MEGF11: variants seen among roughly 807,000 people sequenced by gnomAD.
The protein encoded by MEGF11 is multiple epidermal growth factor-like domains protein 11.
MEGF11 carries 126 observed loss-of-function variants against 146.6 expected under a neutral mutation model. The observed-to-expected ratio is 0.86, with a 90% CI of 0.74 to 1.00. The LOEUF is 1.00. MEGF11 is among the 50% of genes least tolerant of loss of function. MEGF11 has a pLI of 0.00. For missense variants in MEGF11, 1,509 were observed against 1,521.2 expected, an observed-to-expected ratio of 0.99 and a Z score of 0.13; for synonymous variants, 532 against 583.4, an observed-to-expected ratio of 0.91 and a Z score of 1.27.
At chr15:65,904,926 T>C (rs113178802) in intron 24 of MEGF11, among the ~76,000 whole-genome samples, 9,389 of 152,308 alleles carry the variant, frequency 0.062, 422 homozygotes, top group Non-Finnish European at 0.092. Context: ...AGAGTCTTGT[T>C]CTGTTGCCCA....
At chr15:66,202,134 C>T (rs1369010052) in intron 1 of MEGF11, among the ~76,000 whole-genome samples, 1 of 140,326 alleles carries the variant, frequency 7.1e-6, no homozygotes, top group Non-Finnish European at 1.6e-5. Context: ...CATGCACACA[C>T]ACACACAAGT....
At chr15:66,165,509 G>T (rs999979545) in intron 1 of MEGF11, among the ~76,000 whole-genome samples, 1 of 152,082 alleles carries the variant, frequency 6.6e-6, no homozygotes, top group South Asian at 2.1e-4. Flanking sequence ...AAACTCTCTC[G>T]GTCCTTCTCT....
chr15:65,922,855 G>T lies in MEGF11; in HGVS notation c.1790C>A (p.Ala597Asp). The T allele has an allele frequency of 6.2e-7, 1 of 1,613,734 alleles. No individual in the cohort carries two copies. Among genetic ancestry groups the T allele is most frequent in the South Asian group, 1.1e-5 (1 of 91,046 alleles). ...GCATAAGGGTCCTCGGAAGCCAGGG[G>T]CACACTCGCAGCTCCCATCCTCTGG... ...CSPEDGSCEC[A>D]PGFRGPLCQR... The change falls in exon 14 of 26, where the codon GCC becomes GAC. Residue 597 changes from alanine to aspartate, a missense_variant. Physicochemically the swap from Ala to Asp is moderately radical, Grantham distance 126. Coordinates refer to ENST00000395614, the MANE Select transcript of MEGF11 (RefSeq NM_001385028.1).
intron 1 of MEGF11, among the ~76,000 whole-genome samples, chr15:66,147,719 G>C (rs2089425576): frequency 6.6e-6 from 1 of 152,240 alleles, no homozygotes; most frequent in Admixed American, 6.5e-5. Flanking sequence ...GAAGCAGGTG[G>C]TGCCTTCTGA....
chr15:65,976,719 T>C (rs1258931022), intron 7 of MEGF11, among the ~76,000 whole-genome samples: 1 of 152,226 alleles, frequency 6.6e-6, no homozygotes, highest in Non-Finnish European at 1.5e-5. Context: ...CAGTTAAGTG[T>C]GTATCTCCAA....
At chr15:66,113,988 C>T (rs746984642) in intron 4 of MEGF11, among the ~76,000 whole-genome samples, 1 of 152,150 alleles carries the variant, frequency 6.6e-6, no homozygotes, top group Non-Finnish European at 1.5e-5. Flanking sequence ...TGGGCCCCAC[C>T]TCAAATCTTC....
chr15:66,159,497 T>C (rs1419304690), intron 1 of MEGF11, among the ~76,000 whole-genome samples: 1 of 152,244 alleles, frequency 6.6e-6, no homozygotes, highest in Admixed American at 6.5e-5. Context: ...TTGAGGCTTT[T>C]CAGCACCCTG....
chr15:66,178,844 A>G (rs1237254073), intron 1 of MEGF11, among the ~76,000 whole-genome samples: 2 of 152,218 alleles, frequency 1.3e-5, no homozygotes, highest in African/African-American at 2.4e-5. Flanking sequence ...TGATTCGGAA[A>G]AAAGGTCATT....
chr15:66,109,407 C>T (rs368364092), intron 4 of MEGF11, among the ~76,000 whole-genome samples: 5 of 152,164 alleles, frequency 3.3e-5, no homozygotes, highest in Admixed American at 2.0e-4. Flanking sequence ...CTCTGCCAGA[C>T]GAGGCCCTCC....
intron 1 of MEGF11, among the ~76,000 whole-genome samples, chr15:66,182,413 T>C (rs963694644): frequency 1.0e-5 from 1 of 100,442 alleles, no homozygotes; most frequent in African/African-American, 2.9e-5. Context: ...AGAATAGAAC[T>C]GTCAAGCCAA....
intron 3 of MEGF11, 149 bp from the exon 4 acceptor site, chr15:66,119,335 A>T (rs867222573): frequency 1.6e-6 from 1 of 635,444 alleles, no homozygotes; most frequent in Middle Eastern, 3.0e-4. Flanking sequence ...ACACAATAAA[A>T]AAATCAATAG....
intron 5 of MEGF11, 144 bp downstream of exon 5, chr15:66,094,258 T>C: frequency 1.7e-6 from 1 of 605,384 alleles, no homozygotes; most frequent in Non-Finnish European, 3.0e-6. Flanking sequence ...TAGGTATACC[T>C]CCTCCCTGAT....
intron 5 of MEGF11, among the ~76,000 whole-genome samples, chr15:66,088,508 T>C (rs1040105852): frequency 6.6e-6 from 1 of 152,096 alleles, no homozygotes; most frequent in Non-Finnish European, 1.5e-5. Context: ...AAAAAGTAGC[T>C]GGGCGTGGTG....
At chr15:65,968,058 T>A (rs2081171900) in intron 8 of MEGF11, among the ~76,000 whole-genome samples, 1 of 152,072 alleles carries the variant, frequency 6.6e-6, no homozygotes, top group Admixed American at 6.6e-5. Context: ...TCTGCAAATC[T>A]TGTCATATTT....
chr15:65,957,789 C>CG, intron 9 of MEGF11, 68 bp from the exon 10 acceptor site: 1 of 1,517,452 alleles, frequency 6.6e-7, no homozygotes, highest in East Asian at 2.3e-5. Context: ...CGCCCTCTGT[C>CG]TACCCCAAGC....
At chr15:66,153,035 C>T (rs566489011) in intron 1 of MEGF11, among the ~76,000 whole-genome samples, 27 of 152,372 alleles carry the variant, frequency 1.8e-4, no homozygotes, top group African/African-American at 6.5e-4. Context: ...ACCTCCAGCC[C>T]CACCTTCTGT....
rs1456621434 is a variant in MEGF11 at position 66,119,637 on chromosome 15, C to T, written c.201-451G>A. Among the ~76,000 whole-genome samples, 3 of 152,076 alleles carry T rather than the reference C, an allele frequency of 2.0e-5. No individual in the cohort carries two copies. In the East Asian group the frequency reaches 5.8e-4, roughly 29 times the overall value. On this transcript the variant is annotated intron_variant, in intron 3 of 25. Coordinates refer to ENST00000395614, the MANE Select transcript of MEGF11 (RefSeq NM_001385028.1). ...TCACAGCCCCCTGAGTATTGGTCCCCCCACTTGAAGAACTGAGGCAGAGTC... is the reference window on the plus strand; with the variant it reads ...TCACAGCCCCCTGAGTATTGGTCCCTCCACTTGAAGAACTGAGGCAGAGTC...
intron 5 of MEGF11, among the ~76,000 whole-genome samples, chr15:66,086,615 A>C (rs1187588698): frequency 2.0e-5 from 3 of 152,204 alleles, no homozygotes; most frequent in African/African-American, 7.2e-5. Flanking sequence ...AAATGCTGAG[A>C]GAATTCGCCA....
chr15:65,970,808 G>C, intron 7 of MEGF11, 119 bp from the exon 8 acceptor site: 2 of 1,185,776 alleles, frequency 1.7e-6, no homozygotes, highest in South Asian at 1.5e-5. Flanking sequence ...AGTTCAGACA[G>C]CTGGACACCA....
Sources: allele counts gnomAD v4.1 joint callset (sites outside exome capture counted in the v4.1 genomes callset), GRCh38; gene constraint gnomAD v4.1.1; transcripts MANE v1.5; gene names NCBI Gene and HGNC (gene_info 2026-07-23, HGNC 2026-07-21).